Variants in KCNH5 observed in about 807,000 individuals in gnomAD.
KCNH5 encodes the protein potassium voltage-gated channel subfamily H member 5.
A neutral mutation model predicts 96.1 loss-of-function variants in KCNH5; 46 were observed. The ratio of observed to expected loss-of-function variants is 0.48; its 90% CI spans 0.38 to 0.61. KCNH5 has a LOEUF of 0.61. Ranked by LOEUF, KCNH5 falls within the 20% of genes least tolerant of loss-of-function variation. The pLI, the probability that KCNH5 is intolerant of heterozygous loss-of-function variation, is 0.00. For synonymous variants in KCNH5, 439 were observed against 449.8 expected (o/e 0.98, Z 0.30); for missense variants, 907 against 1,225.8 (o/e 0.74, Z 3.88).
At chr14:62,808,604 G>A (rs1339314118) in intron 8 of KCNH5, among the ~76,000 whole-genome samples, 1 of 152,052 alleles carries the variant, frequency 6.6e-6, no homozygotes, top group Non-Finnish European at 1.5e-5. Flanking sequence ...AAATCATACA[G>A]GAAGCATTAT....
chr14:62,991,739 A>G (rs1053914652), intron 4 of KCNH5, among the ~76,000 whole-genome samples: 1 of 152,014 alleles, frequency 6.6e-6, no homozygotes, highest in Non-Finnish European at 1.5e-5. Flanking sequence ...TTTTCTCACA[A>G]CACCTATGCT....
At chr14:62,832,277 T>C (rs1887368811) in intron 8 of KCNH5, among the ~76,000 whole-genome samples, 1 of 152,086 alleles carries the variant, frequency 6.6e-6, no homozygotes, top group South Asian at 2.1e-4. Flanking sequence ...CTTGTATGCA[T>C]TGAATAGCAA....
intron 1 of KCNH5, among the ~76,000 whole-genome samples, chr14:63,037,358 T>C (rs1241328290): frequency 1.3e-5 from 2 of 152,104 alleles, no homozygotes; most frequent in Non-Finnish European, 2.9e-5. Context: ...CTGTGTTCAT[T>C]ATGAATCCCT....
At chr14:62,711,399 G>C (rs79211184) in intron 10 of KCNH5, among the ~76,000 whole-genome samples, 4,713 of 152,228 alleles carry the variant, frequency 0.031, 124 homozygotes, top group South Asian at 0.075. Context: ...TTTTGCTGTC[G>C]AGAAATGTAA....
At position 62,831,146 on chromosome 14, in the gene KCNH5, G is replaced by A. The variant is rs528748083; in HGVS notation, c.1569+18507C>T. Among the ~76,000 whole-genome samples, 15 of 152,234 alleles carry A rather than the reference G, an allele frequency of 9.9e-5. No individual in the cohort carries two copies. The East Asian group carries it at 2.9e-3, about 29-fold the overall frequency. ...TTTTTTCTGCTAGTGAACCCTGGTG[G>A]CTATTTGTTCTCCTCCATAAGTAAC... On this transcript the variant is annotated intron_variant, in intron 8 of 10. Coordinates refer to ENST00000322893, the MANE Select transcript of KCNH5 (RefSeq NM_139318.5).
intron 1 of KCNH5, among the ~76,000 whole-genome samples, chr14:63,036,502 C>CAA (rs11444957): frequency 0.016 from 2,174 of 139,186 alleles, 56 homozygotes; most frequent in African/African-American, 0.053. Flanking sequence ...ACGGGAGATA[C>CAA]AAAAAAAAAA....
At chr14:63,003,608 T>TTATATTTA (rs1341059390) in intron 3 of KCNH5, among the ~76,000 whole-genome samples, 1 of 115,480 alleles carries the variant, frequency 8.7e-6, no homozygotes, top group African/African-American at 3.8e-5. Flanking sequence ...ATATTTATAT[T>TTATATTTA]TATATATATA....
At chr14:62,934,421 C>T (rs548801752) in intron 7 of KCNH5, among the ~76,000 whole-genome samples, 36 of 152,212 alleles carry the variant, frequency 2.4e-4, no homozygotes, top group African/African-American at 8.7e-4. Context: ...CAAATGCTGC[C>T]CATAGTACAG....
chr14:62,983,070 A>G, intron 5 of KCNH5, among the ~76,000 whole-genome samples: 1 of 152,182 alleles, frequency 6.6e-6, no homozygotes, highest in East Asian at 1.9e-4. Context: ...TACCATCTAT[A>G]TATACACAGT....
intron 7 of KCNH5, among the ~76,000 whole-genome samples, chr14:62,892,892 C>G (rs1423570036): frequency 6.6e-6 from 1 of 152,102 alleles, no homozygotes; most frequent in Non-Finnish European, 1.5e-5. Context: ...GGGTGCTTCT[C>G]TCTGACAATG....
intron 9 of KCNH5, among the ~76,000 whole-genome samples, chr14:62,780,648 A>G (rs1259089141): frequency 6.6e-6 from 1 of 152,176 alleles, no homozygotes; most frequent in African/African-American, 2.4e-5. Flanking sequence ...AAAATCACCT[A>G]TTCACTTCAG....
At chr14:62,945,754 G>A (rs1889875155) in intron 7 of KCNH5, among the ~76,000 whole-genome samples, 1 of 152,054 alleles carries the variant, frequency 6.6e-6, no homozygotes, top group Admixed American at 6.6e-5. Context: ...TCGGGTCATA[G>A]GTCAGGAGAG....
At position 62,704,030 on chromosome 14, in the gene KCNH5, T is replaced by C. The variant is rs771071934; in HGVS notation, c.*3478A>G. ...ACCAGATATCACAGGGTGAACAAAA[T>C]CTCCTTAAACAGAAGGGAAAATGTG... On this transcript the variant is annotated 3_prime_UTR_variant, in exon 11 of 11. Transcript: ENST00000322893. 15 of 151,704 alleles carry C rather than the reference T, an allele frequency of 9.9e-5. No homozygotes were observed. Among genetic ancestry groups the C allele is most frequent in the Non-Finnish European group, 2.2e-4 (15 of 67,760 alleles). 9.4% of individuals were successfully genotyped at this position (151,704 alleles called of 1,614,324 possible). A position where few individuals can be genotyped will look rare whatever the true frequency, so the allele number is the denominator to read the frequency against.
intron 10 of KCNH5, among the ~76,000 whole-genome samples, chr14:62,734,588 C>T (rs1885118710): frequency 6.6e-6 from 1 of 152,118 alleles, no homozygotes; most frequent in Non-Finnish European, 1.5e-5. Context: ...TACCCAATCC[C>T]CACATACACT....
chr14:63,004,470 T>A (rs1263950222), intron 3 of KCNH5, among the ~76,000 whole-genome samples: 1 of 152,156 alleles, frequency 6.6e-6, no homozygotes, highest in African/African-American at 2.4e-5. Flanking sequence ...GCCTGAACAA[T>A]GATCAGATAA....
Position 62,915,705 on chromosome 14 carries a change from T to A in KCNH5, c.1369+34428A>T, listed in dbSNP as rs17823765. On this transcript the variant is annotated intron_variant, in intron 7 of 10. Transcript: ENST00000322893. ...GCTATTTATGAAAGCACCAATAGTT[T>A]GGTAACAATCAGTGCTTAAAAACAG... 9.0e-3 allele frequency among the ~76,000 whole-genome samples: 1,375 copies of A among 152,294 alleles called. 33 individuals are homozygous for A. The East Asian group carries it at 0.093, about 10-fold the overall frequency.
intron 10 of KCNH5, among the ~76,000 whole-genome samples, chr14:62,760,990 A>AT (rs1398275559): frequency 2.0e-5 from 3 of 152,068 alleles, no homozygotes; most frequent in African/African-American, 7.2e-5. Flanking sequence ...CATTTATTTT[A>AT]TTTTTTTCAC....
chr14:62,941,073 G>C (rs1241032700), intron 7 of KCNH5, among the ~76,000 whole-genome samples: 1 of 152,140 alleles, frequency 6.6e-6, no homozygotes, highest in Non-Finnish European at 1.5e-5. Context: ...CACATTAAAA[G>C]GTTATTGAGG....
At chr14:62,871,872 G>A (rs141741895) in intron 7 of KCNH5, among the ~76,000 whole-genome samples, 152 of 152,246 alleles carry the variant, frequency 1.0e-3, no homozygotes, top group Middle Eastern at 3.4e-3. Flanking sequence ...GGAAGAATAG[G>A]TAATTTGTAT....
Sources: gnomAD v4.1 joint callset for allele counts (sites outside exome capture counted in the v4.1 genomes callset) on GRCh38, gnomAD v4.1.1 for gene constraint, MANE v1.5 for transcripts, NCBI Gene and HGNC (gene_info 2026-07-23, HGNC 2026-07-21) for gene names.